TNFRSF10B: variants seen among roughly 807,000 people sequenced by gnomAD.
TNFRSF10B encodes TNF receptor superfamily member 10b.
Under a neutral mutation model 41.4 loss-of-function variants are expected in TNFRSF10B, and 35 were observed. The ratio of observed to expected loss-of-function variants is 0.85; its 90% CI spans 0.65 to 1.12. TNFRSF10B has a LOEUF of 1.12. Ranked by LOEUF, TNFRSF10B falls within the 50% of genes most tolerant of loss-of-function variation. The pLI, the probability that TNFRSF10B is intolerant of heterozygous loss-of-function variation, is 0.00. For missense variants in TNFRSF10B, 584 were observed against 552.7 expected, an observed-to-expected ratio of 1.06 and a Z score of -0.57; for synonymous variants, 230 against 215.5, an observed-to-expected ratio of 1.07 and a Z score of -0.59.
intron 2 of TNFRSF10B, among the ~76,000 whole-genome samples, chr8:23,040,986 C>G (rs898304057): frequency 3.3e-5 from 5 of 151,990 alleles, no homozygotes; most frequent in Non-Finnish European, 7.4e-5. Context: ...AAATGAAGTC[C>G]ATGTGGCTCA....
chr8:23,049,805 C>A (rs1386215726), intron 1 of TNFRSF10B: 1 of 152,178 alleles, frequency 6.6e-6, no homozygotes, highest in Non-Finnish European at 1.5e-5. Context: ...CAGCGAGATT[C>A]ACCTGCATCT....
In TNFRSF10B at chr8:23,022,952, A is replaced by G; in HGVS notation, c.1042T>C (p.Leu348=). Reference sequence around the variant, plus strand: ...GGCTCCCAGGAGTCAAAGGGCACCAAGTCTGCAAAGTCATCGAAGCACTGT... The same window carrying G: ...GGCTCCCAGGAGTCAAAGGGCACCAGGTCTGCAAAGTCATCGAAGCACTGT... ...LRQCFDDFAD[L]VPFDSWEPLM... The change falls in exon 9 of 9, where the codon TTG becomes CTG. Residue 348 remains leucine, a synonymous_variant. Coordinates refer to ENST00000276431, the MANE Select transcript of TNFRSF10B (RefSeq NM_003842.5). 6.2e-7 allele frequency: 1 copy of G among 1,613,578 alleles called. No individual in the cohort carries two copies. The highest frequency in any genetic ancestry group is 1.3e-5 in the African/African-American group (1 of 75,030).
At chr8:23,028,250 A>G (rs1305872433) in intron 5 of TNFRSF10B, 81 bp downstream of exon 5, 6 of 1,592,764 alleles carry the variant, frequency 3.8e-6, no homozygotes, top group Non-Finnish European at 4.3e-6. Flanking sequence ...GGGCAGGGGC[A>G]GGCGTTTCTG....
intron 2 of TNFRSF10B, among the ~76,000 whole-genome samples, chr8:23,042,428 T>C (rs1427665352): frequency 6.6e-6 from 1 of 152,152 alleles, no homozygotes; most frequent in Admixed American, 6.5e-5. Context: ...GGGGAAGAAG[T>C]GCGAGGCGAA....
chr8:23,044,617 T>C (rs1585218080), intron 1 of TNFRSF10B, among the ~76,000 whole-genome samples: 1 of 151,916 alleles, frequency 6.6e-6, no homozygotes, highest in Admixed American at 6.6e-5. Context: ...CATAACCAAA[T>C]GTATGGGATG....
At chr8:23,053,125 T>C (rs1812571576) in intron 1 of TNFRSF10B, among the ~76,000 whole-genome samples, 1 of 152,208 alleles carries the variant, frequency 6.6e-6, no homozygotes, top group Admixed American at 6.5e-5. Context: ...AAATGCTTTA[T>C]AAAATGCCAC....
At position 23,045,083 on chromosome 8, in the gene TNFRSF10B, A is replaced by AG. The variant is rs61222779; in HGVS notation, c.145-1841dup. ...TACAAAAAAAAAAAAAAAAAAAAAA[A>AG]GCCAGGCATGGAGGTGTGCATCTGT... On this transcript the variant is annotated intron_variant, in intron 1 of 8. Transcript: ENST00000276431. 2.2e-5 allele frequency among the ~76,000 whole-genome samples: 3 copies of AG among 137,730 alleles called. No individual in the cohort carries two copies. The East Asian group carries it at 6.2e-4, about 28-fold the overall frequency. The allele number at this position is 137,730 out of a possible 152,430, so 90.4% of individuals were successfully genotyped here. A position where few individuals can be genotyped will look rare whatever the true frequency, so the allele number is the denominator to read the frequency against.
At chr8:23,068,660 C>G in intron 1 of TNFRSF10B, 91 bp downstream of exon 1, 1 of 1,492,626 alleles carries the variant, frequency 6.7e-7, no homozygotes, top group South Asian at 1.3e-5. Flanking sequence ...GCGACCCGGG[C>G]CACGCACCCC....
chr8:23,056,206 C>T (rs1812659775), intron 1 of TNFRSF10B, among the ~76,000 whole-genome samples: 1 of 142,324 alleles, frequency 7.0e-6, no homozygotes, highest in Non-Finnish European at 1.6e-5. Context: ...TTTATAATTT[C>T]ACTGAAGCAC....
chr8:23,027,716 A>G lies in TNFRSF10B; in HGVS notation c.780+6T>C. ...GAGCCCCCAGCTCCTGGAGAAATCA[A>G]CTCACTCTGTCCACACGCTCAGGGT... On this transcript the variant is annotated splice_donor_region_variant and intron_variant, in intron 6 of 8. Transcript: ENST00000276431. 6.2e-7 allele frequency: 1 copy of G among 1,613,852 alleles called. No individual in the cohort carries two copies. The highest frequency in any genetic ancestry group is 8.5e-7 in the Non-Finnish European group (1 of 1,179,946).
rs1812252063 is a variant in TNFRSF10B, at chr8:23,043,040, T to G, written c.250+98A>C. 4.1e-5 allele frequency: 48 copies of G among 1,167,406 alleles called. No individual in the cohort carries two copies. The South Asian group carries it at 6.2e-4, about 15-fold the overall frequency. The allele number at this position is 1,167,406 out of a possible 1,614,324, so 72.3% of individuals were successfully genotyped here. ...GAACTGGAGGCACCCAATGCCTCTC[T>G]GTGGAATAAAGAACAAGGAAGTGCA... On this transcript the variant is annotated intron_variant, in intron 2 of 8. Coordinates refer to ENST00000276431, the MANE Select transcript of TNFRSF10B (RefSeq NM_003842.5).
rs888236227 is a variant in TNFRSF10B at position 23,022,914 on chromosome 8, C to T, written c.1080G>A (p.Lys360=). The T allele has an allele frequency of 1.9e-6, 3 of 1,613,968 alleles. No individual in the cohort carries two copies. Among genetic ancestry groups the T allele is most frequent in the African/African-American group, 2.7e-5 (2 of 74,892 alleles). ...TTATCTCATTGTCCATGAGGCCCAA[C>T]TTCCTCATGAGCGGCTCCCAGGAGT... The part of the protein sequence containing the change: ...PFDSWEPLMR[K]LGLMDNEIKV... The change falls in exon 9 of 9, where the codon AAG becomes AAA. Residue 360 remains lysine, a synonymous_variant. Coordinates refer to ENST00000276431, the MANE Select transcript of TNFRSF10B (RefSeq NM_003842.5).
chr8:23,060,783 AT>A (rs1019291081), intron 1 of TNFRSF10B, among the ~76,000 whole-genome samples: 1 of 151,950 alleles, frequency 6.6e-6, no homozygotes, highest in African/African-American at 2.4e-5. Context: ...CTTTCCATTT[AT>A]TTTTGTATTC....
chr8:23,068,682 C>CCT, intron 1 of TNFRSF10B, 69 bp downstream of exon 1: 1 of 1,532,124 alleles, frequency 6.5e-7, no homozygotes, highest in Admixed American at 2.0e-5. Flanking sequence ...GCCGTGTCCC[C>CCT]CTCTCTCCCT....
At chr8:23,040,388 A>T (rs1212909428) in intron 2 of TNFRSF10B, among the ~76,000 whole-genome samples, 1 of 79,914 alleles carries the variant, frequency 1.3e-5, no homozygotes, top group Non-Finnish European at 2.8e-5. Context: ...TACAAAATAT[A>T]TATTTATTAA....
intron 1 of TNFRSF10B, among the ~76,000 whole-genome samples, chr8:23,061,635 G>A (rs181065451): frequency 2.6e-5 from 4 of 152,282 alleles, no homozygotes; most frequent in Admixed American, 1.3e-4. Context: ...AAAGCTTTCC[G>A]TCTTTCAACA....
At position 23,045,605 on chromosome 8, in the gene TNFRSF10B, G is replaced by A. The variant is rs963548052; in HGVS notation, c.145-2362C>T. On this transcript the variant is annotated intron_variant, in intron 1 of 8. Transcript: ENST00000276431. ...TATTTTACAAGGCTTGCATTACCTT[G>A]ATACCAAAGCCAGAATAGAACACTG... Among the ~76,000 whole-genome samples, 7 of 152,128 alleles carry A rather than the reference G, an allele frequency of 4.6e-5. No individual in the cohort carries two copies. The South Asian group carries it at 6.2e-4, about 14-fold the overall frequency.
In TNFRSF10B at chr8:23,040,268, T is replaced by TATATATATAATATATATTTATTAA. The variant is rs1563313843; in HGVS notation, c.250+2846_250+2869dup. Among the ~76,000 whole-genome samples, 2 of 127,702 alleles carry TATATATATAATATATATTTATTAA rather than the reference T, an allele frequency of 1.6e-5. 1 individual carries two copies. The highest frequency in any genetic ancestry group is 1.8e-4 in the Admixed American group (2 of 10,860). The allele number at this position is 127,702 out of a possible 152,430, so 83.8% of individuals were successfully genotyped here. ...TATATTTAAATATATATTTATTAAA[T>TATATATATAATATATATTTATTAA]ATATATATAATATATATTTATTAAA... On this transcript the variant is annotated intron_variant, in intron 2 of 8. Coordinates refer to ENST00000276431, the MANE Select transcript of TNFRSF10B (RefSeq NM_003842.5).
Position 23,022,628 on chromosome 8 carries a change from A to G in TNFRSF10B, c.*43T>C. ...GTCCAGTTGGGCTTTTTCCAGAAAA[A>G]AGGTAAACCAGGGAAGGTCTGACTT... On this transcript the variant is annotated 3_prime_UTR_variant, in exon 9 of 9. Coordinates refer to ENST00000276431, the MANE Select transcript of TNFRSF10B (RefSeq NM_003842.5). The G allele has an allele frequency of 6.2e-7, 1 of 1,612,454 alleles. No individual in the cohort carries two copies. Among genetic ancestry groups the G allele is most frequent in the South Asian group, 1.1e-5 (1 of 90,734 alleles).
Sources: allele counts gnomAD v4.1 joint callset (sites outside exome capture counted in the v4.1 genomes callset), GRCh38; gene constraint gnomAD v4.1.1; transcripts MANE v1.5; gene names NCBI Gene and HGNC (gene_info 2026-07-23, HGNC 2026-07-21).